GUCY2D: variants seen among roughly 807,000 people sequenced by gnomAD.
The protein encoded by GUCY2D is guanylate cyclase 2D, retinal, also known as retinal guanylyl cyclase 1.
GUCY2D carries 70 observed loss-of-function variants against 101.3 expected under a neutral mutation model. That is an observed-to-expected ratio of 0.69 (90% CI 0.57 to 0.84). The LOEUF (loss-of-function observed/expected upper bound fraction) is 0.84, where lower values mean the gene tolerates loss of function less well. GUCY2D is among the 40% of genes least tolerant of loss of function. The pLI, the probability that GUCY2D is intolerant of heterozygous loss-of-function variation, is 0.00. For synonymous variants in GUCY2D, 688 were observed against 670.7 expected (o/e 1.03, Z -0.40); for missense variants, 1,460 against 1,542.5 (o/e 0.95, Z 0.90).
At position 8,003,596 on chromosome 17, in the gene GUCY2D, C is replaced by A. The variant is rs1321964059; in HGVS notation, c.549C>A (p.Arg183=). The change falls in exon 2 of 20, where the codon CGC becomes CGA. Residue 183 remains arginine, a synonymous_variant. Transcript: ENST00000254854. ...YALLRAFGWA[R]VALVTAPQDL... The stretch of plus-strand genomic sequence containing the variant: ...TGCTTCGCGCATTCGGCTGGGCGCG[C>A]GTGGCCCTGGTCACCGCCCCCCAGG... 6.3e-7 allele frequency: 1 copy of A among 1,587,088 alleles called. No individual in the cohort carries two copies. Among genetic ancestry groups the A allele is most frequent in the South Asian group, 1.1e-5 (1 of 89,678 alleles).
Position 8,013,958 on chromosome 17 carries a change from T to G in GUCY2D, c.2342T>G (p.Ile781Ser). Residue 781 changes from isoleucine to serine, a missense_variant, in exon 12 of 20, where the codon ATC (isoleucine) becomes AGC (serine). By Grantham distance (142) the Ile-to-Ser change is moderately radical. Transcript: ENST00000254854. The surrounding 1 kb of genome is among the most constrained non-coding windows in gnomAD (Gnocchi z 5.0). ...VSMDQAPVEC[I>S]LLMKQCWAEQ... ...ATGGACCAGGCACCTGTCGAGTGTA[T>G]CCTCCTGATGAAGCAGTGCTGGGCA... 6.2e-7 allele frequency: 1 copy of G among 1,613,666 alleles called. No homozygotes were observed. Among genetic ancestry groups the G allele is most frequent in the Non-Finnish European group, 8.5e-7 (1 of 1,179,646 alleles).
intron 4 of GUCY2D, 68 bp downstream of exon 4, chr17:8,006,782 A>C (rs1405087596): frequency 3.0e-6 from 4 of 1,321,586 alleles, no homozygotes; most frequent in Non-Finnish European, 4.3e-6. Flanking sequence ...GATGAAAGAG[A>C]GTGGACTCCT....
In GUCY2D at chr17:8,008,016, A is replaced by T; in HGVS notation, c.1652A>T (p.Asn551Ile). 1 of 1,609,930 alleles carries T rather than the reference A, an allele frequency of 6.2e-7. No individual in the cohort carries two copies. Among genetic ancestry groups the T allele is most frequent in the Non-Finnish European group, 8.5e-7 (1 of 1,176,386 alleles). ...CCCAGCCAACACTTGGACAGCCCCAACATTGGTGTCTATGAGGTGAGCCTG... is the reference window on the plus strand; with the variant it reads ...CCCAGCCAACACTTGGACAGCCCCATCATTGGTGTCTATGAGGTGAGCCTG... ...SGPSQHLDSPNIGVYEGDRVW... is the reference protein window; with the variant it reads ...SGPSQHLDSPIIGVYEGDRVW... Residue 551 changes from asparagine (N) to isoleucine (I), a missense_variant, in exon 7 of 20, where the codon AAC becomes ATC. This residue lies in a region of GUCY2D where 1,196 missense variants were observed against 1,229.6 expected (regional missense o/e 0.97). Coordinates refer to ENST00000254854, the MANE Select transcript of GUCY2D (RefSeq NM_000180.4).
chr17:8,006,305 A>T, intron 3 of GUCY2D, 58 bp from the exon 4 acceptor site: 1 of 1,332,636 alleles, frequency 7.5e-7, no homozygotes, highest in Non-Finnish European at 1.1e-6. Context: ...CAGTGAAAGA[A>T]TCTGGTCTGT....
rs1360525092 is a variant in GUCY2D at position 8,012,475 on chromosome 17, G to A, written c.1982G>A (p.Gly661Asp). Residue 661 changes from glycine to aspartate, a missense_variant, in exon 10 of 20, where the codon GGC (glycine) becomes GAC (aspartate). Transcript: ENST00000254854. ...GGAATAAGGTATCTGCACCATCGAG[G>A]CGTGGCTCATGGGCGGCTGAAGTCA... ...IKGIRYLHHRGVAHGRLKSRN... is the reference protein window; with the variant it reads ...IKGIRYLHHRDVAHGRLKSRN... 6.2e-7 allele frequency: 1 copy of A among 1,614,088 alleles called. No homozygotes were observed. Among genetic ancestry groups the A allele is most frequent in the Admixed American group, 1.7e-5 (1 of 60,022 alleles).
intron 3 of GUCY2D, among the ~76,000 whole-genome samples, chr17:8,005,313 T>C (rs1301166516): frequency 6.6e-6 from 1 of 152,106 alleles, no homozygotes; most frequent in Non-Finnish European, 1.5e-5. Flanking sequence ...CCAACACCTT[T>C]CTCCAGATCA....
intron 19 of GUCY2D, among the ~76,000 whole-genome samples, chr17:8,018,478 A>G (rs1976016344): frequency 6.6e-6 from 1 of 152,200 alleles, no homozygotes; most frequent in Admixed American, 6.5e-5. Flanking sequence ...CTAAGATCTC[A>G]TAAAGCCAGG....
At chr17:8,010,021 T>G (rs1395672009) in intron 8 of GUCY2D, among the ~76,000 whole-genome samples, 1 of 151,146 alleles carries the variant, frequency 6.6e-6, no homozygotes, top group East Asian at 1.9e-4. Flanking sequence ...CACCCTGGAG[T>G]AGGCTTTCAT....
Position 8,015,918 on chromosome 17 carries a change from C to A in GUCY2D, c.3044-9C>A, listed in dbSNP as rs1353760176. Reference sequence around the variant, plus strand: ...AGTCCCGAGCTCACGGCGTCCCCCACCGCCACAGCTTACCGCATCCACGTG... The same window carrying A: ...AGTCCCGAGCTCACGGCGTCCCCCAACGCCACAGCTTACCGCATCCACGTG... On this transcript the variant is annotated splice_polypyrimidine_tract_variant and intron_variant, in intron 16 of 19. Coordinates refer to ENST00000254854, the MANE Select transcript of GUCY2D (RefSeq NM_000180.4). 1 of 1,607,828 alleles carries A rather than the reference C, an allele frequency of 6.2e-7. No homozygotes were observed. Among genetic ancestry groups the A allele is most frequent in the Non-Finnish European group, 8.5e-7 (1 of 1,177,334 alleles).
Position 8,015,396 on chromosome 17 carries a change from G to T in GUCY2D, c.2838G>T (p.Ala946=). The T allele has an allele frequency of 6.2e-7, 1 of 1,613,400 alleles. No individual in the cohort carries two copies. Among genetic ancestry groups the T allele is most frequent in the Non-Finnish European group, 8.5e-7 (1 of 1,179,932 alleles). ...CCCAGCGGAATGGGCAGCGACACGCGGCAGAGATCGCCAACATGTCACTGG... is the reference window on the plus strand; with the variant it reads ...CCCAGCGGAATGGGCAGCGACACGCTGCAGAGATCGCCAACATGTCACTGG... The part of the protein sequence containing the change: ...GLPQRNGQRH[A]AEIANMSLDI... The change falls in exon 15 of 20, where the codon GCG becomes GCT. Residue 946 remains alanine, a synonymous_variant. Transcript: ENST00000254854.
chr17:8,012,434 C>T lies in GUCY2D; in HGVS notation c.1957-16C>T. 2 of 1,613,874 alleles carry T rather than the reference C, an allele frequency of 1.2e-6. No homozygotes were observed. Among genetic ancestry groups the T allele is most frequent in the Non-Finnish European group, 8.5e-7 (1 of 1,179,938 alleles). On this transcript the variant is annotated splice_polypyrimidine_tract_variant and intron_variant, in intron 9 of 19. Coordinates refer to ENST00000254854, the MANE Select transcript of GUCY2D (RefSeq NM_000180.4). ...CCAAGCAGGCTGAGGCTGCCTCTTA[C>T]CCTACCCATTCCAAGGGAATAAGGT...
chr17:8,003,360 T>C lies in GUCY2D; in HGVS notation c.313T>C (p.Cys105Arg). The C allele has an allele frequency of 6.8e-7, 1 of 1,467,878 alleles. No homozygotes were observed. The highest frequency in any genetic ancestry group is 9.0e-7 in the Non-Finnish European group (1 of 1,116,756). The allele number at this position is 1,467,878 out of a possible 1,614,324, so 90.9% of individuals were successfully genotyped here. A position where few individuals can be genotyped will look rare whatever the true frequency, so the allele number is the denominator to read the frequency against. Reference protein sequence around the residue: ...RFEVALLPEPCRTPGSLGAVS... With the variant: ...RFEVALLPEPRRTPGSLGAVS... Reference sequence around the variant, plus strand: ...CGAGGTAGCGCTGCTGCCCGAGCCTTGCCGGACGCCGGGCTCGCTGGGGGC... The same window carrying C: ...CGAGGTAGCGCTGCTGCCCGAGCCTCGCCGGACGCCGGGCTCGCTGGGGGC... The change falls in exon 2 of 20, where the codon TGC (cysteine) becomes CGC (arginine). Residue 105 changes from cysteine to arginine, a missense_variant. Cys to Arg is a radical substitution (Grantham distance 180, BLOSUM62 -3). Coordinates refer to ENST00000254854, the MANE Select transcript of GUCY2D (RefSeq NM_000180.4).
intron 4 of GUCY2D, 49 bp downstream of exon 4, chr17:8,006,763 C>T (rs1258178840): frequency 6.9e-7 from 1 of 1,452,600 alleles, no homozygotes; most frequent in African/African-American, 1.4e-5. Context: ...CATGGACCAT[C>T]CACAAAGTGA....
rs1290420698 is a variant in GUCY2D, at chr17:8,007,997, C to T, written c.1633C>T (p.Gln545Ter). ...SMSDIRSGPS[Q>*]HLDSPNIGVY... ...GTCAGACATTCGCAGCGGCCCCAGCCAACACTTGGACAGCCCCAACATTGG... is the reference window on the plus strand; with the variant it reads ...GTCAGACATTCGCAGCGGCCCCAGCTAACACTTGGACAGCCCCAACATTGG... The change falls in exon 7 of 20, where the codon CAA (glutamine) becomes TAA (stop). Residue 545 changes from glutamine to a stop codon, truncating the protein, a stop_gained. Coordinates refer to ENST00000254854, the MANE Select transcript of GUCY2D (RefSeq NM_000180.4). LOFTEE classifies it high-confidence loss of function. The T allele has an allele frequency of 2.5e-6, 4 of 1,613,362 alleles. No homozygotes were observed. The highest frequency in any genetic ancestry group is 3.4e-6 in the Non-Finnish European group (4 of 1,179,498).
chr17:8,009,377 T>G, intron 7 of GUCY2D, 129 bp from the exon 8 acceptor site: 4 of 777,574 alleles, frequency 5.1e-6, no homozygotes, highest in Non-Finnish European at 9.4e-6. Context: ...CTTGGTTCAA[T>G]GCATTTTGTC....
chr17:8,003,314 C>T lies in GUCY2D; in HGVS notation c.267C>T (p.Gly89=). Residue 89 remains glycine (G), a synonymous_variant, in exon 2 of 20, where the codon GGC becomes GGT. Coordinates refer to ENST00000254854, the MANE Select transcript of GUCY2D (RefSeq NM_000180.4). ...CCGCCCGCCTGAACCGCGACCCCGG[C>T]CTGGCAGGCGGTCCCCGCTTCGAGG... is the stretch of plus-strand genomic sequence containing the variant. The part of the protein sequence containing the change: ...LAAARLNRDP[G]LAGGPRFEVA... 6.7e-7 allele frequency: 1 copy of T among 1,484,434 alleles called. No homozygotes were observed. The highest frequency in any genetic ancestry group is 1.3e-5 in the South Asian group (1 of 78,410). 92.0% of individuals were successfully genotyped at this position (1,484,434 alleles called of 1,614,324 possible).
rs1975680589 is a variant in GUCY2D at position 8,003,655 on chromosome 17, C to T, written c.608C>T (p.Thr203Met). ...LWVEAGRSLS[T>M]ALRARGLPVA... ...GTGGAGGCGGGACGCTCACTGTCCA[C>T]GGCACTCAGGGCCCGGGGCCTGCCT... is the stretch of plus-strand genomic sequence containing the variant. The change falls in exon 2 of 20, where the codon ACG becomes ATG. Residue 203 changes from threonine (T) to methionine (M), a missense_variant. This residue lies in a region of GUCY2D where 1,196 missense variants were observed against 1,229.6 expected (regional missense o/e 0.97). Transcript: ENST00000254854. The T allele has an allele frequency of 3.1e-6, 5 of 1,595,156 alleles. No homozygotes were observed. The highest frequency in any genetic ancestry group is 4.2e-6 in the Non-Finnish European group (5 of 1,178,110).
At position 8,013,273 on chromosome 17, in the gene GUCY2D, G is replaced by A; in HGVS notation, c.2263+21G>A. On this transcript the variant is annotated intron_variant, in intron 11 of 19. Transcript: ENST00000254854. The surrounding 1 kb of genome is among the most constrained non-coding windows in gnomAD (Gnocchi z 5.0). ...CGAGGGTAAGGCTGCCCTGTGCGTG[G>A]AGTTCGGCCCACAGGGGCACCCTGC... The A allele has an allele frequency of 6.2e-7, 1 of 1,613,220 alleles. No homozygotes were observed. Among genetic ancestry groups the A allele is most frequent in the South Asian group, 1.1e-5 (1 of 90,964 alleles).
intron 18 of GUCY2D, 42 bp downstream of exon 18, chr17:8,016,332 C>T: frequency 6.8e-6 from 10 of 1,466,006 alleles, no homozygotes; most frequent in Non-Finnish European, 9.3e-6. Flanking sequence ...GACGAGGGAC[C>T]CCTGCCTCCT....
Sources: allele counts gnomAD v4.1 joint callset (sites outside exome capture counted in the v4.1 genomes callset), GRCh38; gene constraint gnomAD v4.1.1; regional missense constraint gnomAD v4.1.1; non-coding constraint Gnocchi (gnomAD v3.1); transcripts MANE v1.5; gene names NCBI Gene and HGNC (gene_info 2026-07-23, HGNC 2026-07-21).